CACNA2D3: variants seen among roughly 807,000 people sequenced by gnomAD.
The protein encoded by CACNA2D3 is voltage-dependent calcium channel subunit alpha-2/delta-3.
Under a neutral mutation model 160.6 loss-of-function variants are expected in CACNA2D3, and 60 were observed. That is an observed-to-expected ratio of 0.37 (90% CI 0.30 to 0.46). The LOEUF (loss-of-function observed/expected upper bound fraction) is 0.46. Ranked by LOEUF, CACNA2D3 falls within the 20% of genes least tolerant of loss-of-function variation. The pLI, the probability that CACNA2D3 is intolerant of heterozygous loss-of-function variation, is 1.00. For synonymous variants in CACNA2D3, 558 were observed against 492.9 expected, an observed-to-expected ratio of 1.13 and a Z score of -1.75; for missense variants, 1,205 against 1,365.0, an observed-to-expected ratio of 0.88 and a Z score of 1.85.
intron 13 of CACNA2D3, among the ~76,000 whole-genome samples, chr3:54,777,373 C>G (rs1702444173): frequency 6.6e-6 from 1 of 152,194 alleles, no homozygotes; most frequent in Admixed American, 6.5e-5. Flanking sequence ...CCTTACTCTG[C>G]TGGTGACACA....
chr3:54,296,100 C>T (rs74580312), intron 2 of CACNA2D3, among the ~76,000 whole-genome samples: 1,551 of 152,196 alleles, frequency 0.01, 33 homozygotes, highest in African/African-American at 0.036. Context: ...TTAGGGTGCA[C>T]GTCCCAGTGG....
chr3:54,939,559 G>A (rs1415323372), intron 27 of CACNA2D3, among the ~76,000 whole-genome samples: 2 of 152,242 alleles, frequency 1.3e-5, no homozygotes, highest in South Asian at 4.1e-4. Context: ...TGTGGCCAGG[G>A]ATTGGGCAAA....
chr3:54,769,095 A>C (rs1211874499), intron 13 of CACNA2D3, among the ~76,000 whole-genome samples: 1 of 152,168 alleles, frequency 6.6e-6, no homozygotes, highest in Admixed American at 6.5e-5. Flanking sequence ...CCAGGACACG[A>C]ACAAACAAAC....
At chr3:54,303,669 G>A (rs1189225747) in intron 2 of CACNA2D3, among the ~76,000 whole-genome samples, 2 of 152,182 alleles carry the variant, frequency 1.3e-5, no homozygotes, top group Non-Finnish European at 2.9e-5. Context: ...TGTCTCAGGA[G>A]CCGTTGTGAG....
chr3:54,204,947 A>G (rs547266960), intron 2 of CACNA2D3, among the ~76,000 whole-genome samples: 60 of 152,274 alleles, frequency 3.9e-4, no homozygotes, highest in African/African-American at 1.3e-3. Context: ...TTTAGAAAAA[A>G]ACATAGAGAA....
chr3:54,293,300 A>G (rs2107480304), intron 2 of CACNA2D3, among the ~76,000 whole-genome samples: 1 of 152,244 alleles, frequency 6.6e-6, no homozygotes, highest in Admixed American at 6.5e-5. Context: ...TGCACCCATC[A>G]CCTGAGCAGT....
intron 9 of CACNA2D3, among the ~76,000 whole-genome samples, chr3:54,609,918 T>C (rs969542788): frequency 4.6e-5 from 7 of 152,218 alleles, no homozygotes; most frequent in African/African-American, 9.7e-5. Context: ...AAGTATATTG[T>C]CTTACAGTTC....
At chr3:54,783,305 A>G (rs1702568733) in intron 13 of CACNA2D3, among the ~76,000 whole-genome samples, 1 of 151,972 alleles carries the variant, frequency 6.6e-6, no homozygotes, top group South Asian at 2.1e-4. Flanking sequence ...CCACTTTGAG[A>G]TATGAAAACA....
intron 4 of CACNA2D3, among the ~76,000 whole-genome samples, chr3:54,412,271 C>T (rs1699679502): frequency 6.6e-6 from 1 of 151,886 alleles, no homozygotes; most frequent in South Asian, 2.1e-4. Context: ...ATCCTGTTTT[C>T]ATTATCTTTC....
intron 2 of CACNA2D3, among the ~76,000 whole-genome samples, chr3:54,291,562 T>C (rs959209410): frequency 1.3e-5 from 2 of 152,168 alleles, no homozygotes; most frequent in African/African-American, 4.8e-5. Flanking sequence ...AAAAGGTAAG[T>C]GTTAATTACT....
intron 5 of CACNA2D3, among the ~76,000 whole-genome samples, chr3:54,535,455 AG>A (rs1178317210): frequency 6.6e-6 from 1 of 152,200 alleles, no homozygotes; most frequent in Non-Finnish European, 1.5e-5. Flanking sequence ...ATTCTATAAA[AG>A]CATAAGTTTT....
At chr3:54,839,468 A>G (rs1269509120) in intron 16 of CACNA2D3, among the ~76,000 whole-genome samples, 1 of 152,132 alleles carries the variant, frequency 6.6e-6, no homozygotes, top group Non-Finnish European at 1.5e-5. Flanking sequence ...AGCCCCCACC[A>G]GATCTGGTTG....
At chr3:54,252,015 G>T (rs919331481) in intron 2 of CACNA2D3, among the ~76,000 whole-genome samples, 1 of 150,422 alleles carries the variant, frequency 6.6e-6, no homozygotes, top group African/African-American at 2.4e-5. Flanking sequence ...CTTTTTTTTA[G>T]AAATTCTCCT....
intron 13 of CACNA2D3, among the ~76,000 whole-genome samples, chr3:54,776,678 G>A (rs745533048): frequency 2.6e-5 from 4 of 152,248 alleles, no homozygotes; most frequent in African/African-American, 7.2e-5. Flanking sequence ...CTTACAGCCC[G>A]GCTGAGCTCT....
At chr3:54,646,229 T>C (rs1699648079) in intron 11 of CACNA2D3, among the ~76,000 whole-genome samples, 1 of 118,744 alleles carries the variant, frequency 8.4e-6, no homozygotes, top group Non-Finnish European at 1.7e-5. Flanking sequence ...CTTCCTTCCT[T>C]CCTTCCTTCC....
At chr3:54,291,324 A>G (rs1703199117) in intron 2 of CACNA2D3, among the ~76,000 whole-genome samples, 2 of 152,190 alleles carry the variant, frequency 1.3e-5, no homozygotes, top group South Asian at 2.1e-4. Flanking sequence ...TTTTTCTCAG[A>G]TAGGCAATTA....
At chr3:54,466,546 A>G (rs530672385) in intron 4 of CACNA2D3, among the ~76,000 whole-genome samples, 8 of 152,350 alleles carry the variant, frequency 5.3e-5, no homozygotes, top group African/African-American at 1.9e-4. Context: ...GGCGCTGCTC[A>G]GTAACATTGC....
chr3:54,288,471 A>C (rs1274258022), intron 2 of CACNA2D3, among the ~76,000 whole-genome samples: 1 of 152,246 alleles, frequency 6.6e-6, no homozygotes, highest in Non-Finnish European at 1.5e-5. Flanking sequence ...AGATGGATTC[A>C]CAGCCGAATT....
chr3:54,869,918 C>T (rs1209513261), intron 17 of CACNA2D3, among the ~76,000 whole-genome samples: 1 of 152,216 alleles, frequency 6.6e-6, no homozygotes, highest in East Asian at 1.9e-4. Flanking sequence ...CTTTCCTTCC[C>T]CTTCATCTGG....
Sources: allele counts gnomAD v4.1 joint callset (sites outside exome capture counted in the v4.1 genomes callset), GRCh38; gene constraint gnomAD v4.1.1; transcripts MANE v1.5; gene names NCBI Gene and HGNC (gene_info 2026-07-23, HGNC 2026-07-21).